LAMB1: variants seen among roughly 807,000 people sequenced by gnomAD.
The protein encoded by LAMB1 is laminin subunit beta-1.
LAMB1 carries 121 observed loss-of-function variants against 222.3 expected under a neutral mutation model. The observed-to-expected ratio is 0.54, with a 90% confidence interval of 0.47 to 0.63. LAMB1 has a LOEUF of 0.63. LAMB1 is among the 30% of genes least tolerant of loss of function. LAMB1 has a pLI of 0.00. For missense variants in LAMB1, 2,172 were observed against 2,240.8 expected (o/e 0.97, Z 0.62); for synonymous variants, 794 against 807.2 (o/e 0.98, Z 0.28).
chr7:107,926,171 A>G lies in LAMB1; in HGVS notation c.5064+12T>C. 6.2e-7 allele frequency: 1 copy of G among 1,607,810 alleles called. No individual in the cohort carries two copies. Among genetic ancestry groups the G allele is most frequent in the Non-Finnish European group, 8.5e-7 (1 of 1,174,790 alleles). ...TAACAACATAGCTCTGAAATTACAA[A>G]GATTTACGTACCTTCTTAACATCTT... On this transcript the variant is annotated intron_variant, in intron 32 of 33. Transcript: ENST00000222399.
At position 107,962,886 on chromosome 7, in the gene LAMB1, CA is replaced by C; in HGVS notation, c.1857+18del. Reference sequence around the variant, plus strand: ...TTCTCCCCTCCCTCCTCCACCAGTCCACTAAGTGGTTTCTTTACCTGTGGCT... The same window carrying C: ...TTCTCCCCTCCCTCCTCCACCAGTCCCTAAGTGGTTTCTTTACCTGTGGCT... On this transcript the variant is annotated intron_variant, in intron 15 of 33. Coordinates refer to ENST00000222399, the MANE Select transcript of LAMB1 (RefSeq NM_002291.3). 6.2e-7 allele frequency: 1 copy of C among 1,604,196 alleles called. No homozygotes were observed. The highest frequency in any genetic ancestry group is 1.1e-5 in the South Asian group (1 of 90,298).
Position 107,975,291 on chromosome 7 carries a change from C to A in LAMB1, c.1312G>T (p.Asp438Tyr). The change falls in exon 11 of 34, where the codon GAT (aspartate) becomes TAT (tyrosine). Residue 438 changes from aspartate (D) to tyrosine (Y), a missense_variant. By Grantham distance (160) the Asp-to-Tyr change is radical (BLOSUM62 -3). Coordinates refer to ENST00000222399, the MANE Select transcript of LAMB1 (RefSeq NM_002291.3). ...TCATAGAAGCCTTCTTTGCAAACAT[C>A]ACAATGTTCTCCTTCCACATTTAAT... is the stretch of plus-strand genomic sequence containing the variant. ...CKLNVEGEHC[D>Y]VCKEGFYDLS... The A allele has an allele frequency of 6.2e-7, 1 of 1,614,086 alleles. No individual in the cohort carries two copies. Among genetic ancestry groups the A allele is most frequent in the South Asian group, 1.1e-5 (1 of 91,064 alleles).
rs2032864455 is a variant in LAMB1 at position 107,937,046 on chromosome 7, A to G, written c.3946+47T>C. The G allele has an allele frequency of 4.0e-6, 6 of 1,485,700 alleles. No homozygotes were observed. The East Asian group carries it at 1.4e-4, about 34-fold the overall frequency. 92.0% of individuals were successfully genotyped at this position (1,485,700 alleles called of 1,614,324 possible). A position where few individuals can be genotyped will look rare whatever the true frequency, so the allele number is the denominator to read the frequency against. On this transcript the variant is annotated intron_variant, in intron 26 of 33. Coordinates refer to ENST00000222399, the MANE Select transcript of LAMB1 (RefSeq NM_002291.3). Reference sequence around the variant, plus strand: ...AGTGCTATATTAAAACGTTAGACATATCGTTAAATCCATTGTCTGGGACTA... The same window carrying G: ...AGTGCTATATTAAAACGTTAGACATGTCGTTAAATCCATTGTCTGGGACTA...
intron 17 of LAMB1, 34 bp from the exon 18 acceptor site, chr7:107,960,683 C>A (rs758504457): frequency 6.3e-7 from 1 of 1,578,134 alleles, no homozygotes; most frequent in South Asian, 1.1e-5. Context: ...AACATCCTTA[C>A]AGTGGTGCCC....
intron 14 of LAMB1, 135 bp downstream of exon 14, chr7:107,964,417 T>A: frequency 9.8e-7 from 1 of 1,018,756 alleles, no homozygotes; most frequent in Non-Finnish European, 1.5e-6. Context: ...CAGGAAGGCA[T>A]GGTCCTGATC....
At chr7:107,966,785 C>T (rs908558577) in intron 13 of LAMB1, among the ~76,000 whole-genome samples, 1 of 152,204 alleles carries the variant, frequency 6.6e-6, no homozygotes, top group Admixed American at 6.5e-5. Flanking sequence ...AGGACAAAGG[C>T]GCCAGCAGGC....
At chr7:108,001,754 A>C in intron 2 of LAMB1, 21 bp from the exon 3 acceptor site, 1 of 1,611,402 alleles carries the variant, frequency 6.2e-7, no homozygotes, top group South Asian at 1.1e-5. Flanking sequence ...GACAGGCAAC[A>C]GAGTTGGGGG....
At chr7:107,970,796 A>G (rs2033733756) in intron 13 of LAMB1, among the ~76,000 whole-genome samples, 1 of 150,596 alleles carries the variant, frequency 6.6e-6, no homozygotes, top group Admixed American at 6.6e-5. Context: ...CAATGGCGTG[A>G]TCTTGGTTCA....
intron 22 of LAMB1, 39 bp from the exon 23 acceptor site, chr7:107,952,262 C>CA (rs750318494): frequency 6.8e-7 from 1 of 1,473,402 alleles, no homozygotes; most frequent in South Asian, 1.2e-5. Context: ...GTCACACTCC[C>CA]AAATACACAG....
intron 7 of LAMB1, 116 bp downstream of exon 7, chr7:107,985,906 G>C: frequency 1.3e-6 from 1 of 747,990 alleles, no homozygotes; most frequent in Non-Finnish European, 2.2e-6. Flanking sequence ...GCAATGAGCA[G>C]AGATCGCACC....
At chr7:107,980,560 T>G in intron 8 of LAMB1, 49 bp downstream of exon 8, 1 of 1,483,110 alleles carries the variant, frequency 6.7e-7, no homozygotes, top group Non-Finnish European at 9.4e-7. Flanking sequence ...CACTTTGCAT[T>G]TTATTACCAG....
chr7:107,967,983 CAG>C (rs1407486885), intron 13 of LAMB1, among the ~76,000 whole-genome samples: 1 of 152,074 alleles, frequency 6.6e-6, no homozygotes, highest in Non-Finnish European at 1.5e-5. Context: ...ACTTGACAGG[CAG>C]AGAGAGGACA....
intron 27 of LAMB1, 165 bp downstream of exon 27, chr7:107,935,250 C>CA (rs2032813336): frequency 1.0e-6 from 1 of 996,194 alleles, no homozygotes; most frequent in Non-Finnish European, 1.5e-6. Flanking sequence ...ACAGATACCC[C>CA]ATTCCAGGAT....
chr7:107,988,415 G>GA (rs2034120742), intron 5 of LAMB1, among the ~76,000 whole-genome samples: 1 of 152,020 alleles, frequency 6.6e-6, no homozygotes, highest in African/African-American at 2.4e-5. Flanking sequence ...ACACATATTT[G>GA]AAACCTCCAA....
In LAMB1 at chr7:107,955,596, C is replaced by G; in HGVS notation, c.2725G>C (p.Gly909Arg). 1 of 1,613,828 alleles carries G rather than the reference C, an allele frequency of 6.2e-7. No individual in the cohort carries two copies. Among genetic ancestry groups the G allele is most frequent in the Non-Finnish European group, 8.5e-7 (1 of 1,179,936 alleles). Residue 909 changes from glycine (G) to arginine (R), a missense_variant, in exon 21 of 34, where the codon GGG becomes CGG. By Grantham distance (125) the Gly-to-Arg change is moderately radical. Coordinates refer to ENST00000222399, the MANE Select transcript of LAMB1 (RefSeq NM_002291.3). ...LAGYYGDPIIGSGDHCRPCPC... is the reference protein window; with the variant it reads ...LAGYYGDPIIRSGDHCRPCPC... ...CAAGGGCGGCAGTGATCTCCTGACC[C>G]AATGATGGGGTCGCCATAGTAACCA... is the stretch of plus-strand genomic sequence containing the variant.
intron 8 of LAMB1, among the ~76,000 whole-genome samples, chr7:107,979,090 A>C (rs1164557894): frequency 6.6e-6 from 1 of 152,254 alleles, no homozygotes; most frequent in Non-Finnish European, 1.5e-5. Flanking sequence ...ATAAGACCCT[A>C]CTGGGCCTGA....
At chr7:107,973,407 C>T (rs2033789078) in intron 12 of LAMB1, among the ~76,000 whole-genome samples, 1 of 152,110 alleles carries the variant, frequency 6.6e-6, no homozygotes, top group African/African-American at 2.4e-5. Flanking sequence ...AGAATTATGG[C>T]AAGGATTTGG....
chr7:107,989,625 A>C (rs1584536674), intron 5 of LAMB1, among the ~76,000 whole-genome samples: 1 of 152,252 alleles, frequency 6.6e-6, no homozygotes, highest in Non-Finnish European at 1.5e-5. Flanking sequence ...TATCAGCCTA[A>C]GAATTTTAAA....
chr7:107,963,582 A>T (rs1399333054), intron 14 of LAMB1, among the ~76,000 whole-genome samples: 2 of 152,230 alleles, frequency 1.3e-5, no homozygotes, highest in African/African-American at 4.8e-5. Context: ...GTGGTTGGTC[A>T]TATCCAAAAA....
Sources: allele counts gnomAD v4.1 joint callset (sites outside exome capture counted in the v4.1 genomes callset), GRCh38; gene constraint gnomAD v4.1.1; transcripts MANE v1.5; gene names NCBI Gene and HGNC (gene_info 2026-07-23, HGNC 2026-07-21).